Variants in ATG9B observed in about 807,000 individuals in gnomAD.
ATG9B encodes autophagy-related protein 9B.
A neutral mutation model predicts 92.9 loss-of-function variants in ATG9B; 92 were observed. The ratio of observed to expected loss-of-function variants is 0.99; its 90% confidence interval spans 0.84 to 1.18. The LOEUF is 1.18. ATG9B is among the 50% of genes most tolerant of loss of function. The pLI is 0.00. For missense variants in ATG9B, 1,344 were observed against 1,235.0 expected, an observed-to-expected ratio of 1.09 and a Z score of -1.32; for synonymous variants, 599 against 551.4, an observed-to-expected ratio of 1.09 and a Z score of -1.21.
Position 151,017,027 on chromosome 7 carries a change from G to A in ATG9B, c.2289+9C>T, listed in dbSNP as rs1012657292. On this transcript the variant is annotated intron_variant, in intron 9 of 13. Transcript: ENST00000639579. ...GAAGGCAGAAGGGGAGGCCAGGCTTGGGACTCACCAGGGGCGAGGTGCAGT... is the reference window on the plus strand; with the variant it reads ...GAAGGCAGAAGGGGAGGCCAGGCTTAGGACTCACCAGGGGCGAGGTGCAGT... The A allele has an allele frequency of 1.3e-6, 2 of 1,578,318 alleles. No individual in the cohort carries two copies.
chr7:151,023,386 G>T, intron 3 of ATG9B, 59 bp downstream of exon 3: 1 of 1,604,814 alleles, frequency 6.2e-7, no homozygotes, highest in South Asian at 1.1e-5. Context: ...GAAGCAAAAT[G>T]ACAGAAGGAA....
In ATG9B at chr7:151,017,277, G is replaced by A; in HGVS notation, c.2053-5C>T. The A allele has an allele frequency of 1.9e-6, 3 of 1,579,500 alleles. No homozygotes were observed. Among genetic ancestry groups the A allele is most frequent in the Non-Finnish European group, 2.6e-6 (3 of 1,159,446 alleles). ...AGTCTGTCCCGCCGAGAGCCACTGT[G>A]AGCAAGGACAGTCTTTCAGGTGCTA... On this transcript the variant is annotated splice_region_variant and splice_polypyrimidine_tract_variant and intron_variant, in intron 8 of 13. Coordinates refer to ENST00000639579, the MANE Select transcript of ATG9B (RefSeq NM_001317056.2).
chr7:151,023,952 C>A lies in ATG9B; in HGVS notation c.472G>T (p.Asp158Tyr). The change falls in exon 1 of 14, where the codon GAC becomes TAC. Residue 158 changes from aspartate to tyrosine, a missense_variant. Asp to Tyr is a radical substitution (Grantham distance 160). Coordinates refer to ENST00000639579, the MANE Select transcript of ATG9B (RefSeq NM_001317056.2). Reference protein sequence around the residue: ...EQDYERLEDCDPEGSQDSPIH... With the variant: ...EQDYERLEDCYPEGSQDSPIH... ...GGTGAGTCTTGGGACCCCTCAGGGTCACAGTCCTCCAGCCGCTCATAATCC... is the reference window on the plus strand; with the variant it reads ...GGTGAGTCTTGGGACCCCTCAGGGTAACAGTCCTCCAGCCGCTCATAATCC... 6.3e-7 allele frequency: 1 copy of A among 1,588,942 alleles called. No homozygotes were observed. The highest frequency in any genetic ancestry group is 8.6e-7 in the Non-Finnish European group (1 of 1,168,000).
chr7:151,013,085 A>C, downstream of ATG9B: 1 of 855,886 alleles, frequency 1.2e-6, no homozygotes, highest in Non-Finnish European at 1.8e-6. Flanking sequence ...AGCATTCTAC[A>C]CTCTCTTAGA....
In ATG9B at chr7:151,018,724, G is replaced by A. The variant is rs758496995; in HGVS notation, c.1614C>T (p.Leu538=). ...ARQLVFFAGA[L]FAALLVLTVY... ...CGGTGAGCACAAGCAGCGCGGCGAAGAGTGCACCCGCGAAGAAAACGAGCT... is the reference window on the plus strand; with the variant it reads ...CGGTGAGCACAAGCAGCGCGGCGAAAAGTGCACCCGCGAAGAAAACGAGCT... Residue 538 remains leucine (L), a synonymous_variant, in exon 6 of 14, where the codon CTC becomes CTT. Transcript: ENST00000639579. The surrounding 1 kb of genome is among the most constrained non-coding windows in gnomAD (Gnocchi z 4.7). The A allele has an allele frequency of 6.3e-7, 1 of 1,592,702 alleles. No individual in the cohort carries two copies. Among genetic ancestry groups the A allele is most frequent in the Non-Finnish European group, 8.5e-7 (1 of 1,172,732 alleles).
At chr7:151,021,413 C>T in intron 4 of ATG9B, 84 bp from the exon 5 acceptor site, 7 of 1,469,736 alleles carry the variant, frequency 4.8e-6, no homozygotes, top group Non-Finnish European at 5.4e-6. Context: ...GAGGAAAAAC[C>T]ATCATGAGGA....
At chr7:151,019,441 A>G in intron 5 of ATG9B, 67 bp from the exon 6 acceptor site, 2 of 1,478,330 alleles carry the variant, frequency 1.4e-6, no homozygotes, top group South Asian at 2.8e-5. Flanking sequence ...CAAGCTCCAC[A>G]CCCCTAAGTG....
chr7:151,012,777 G>A (rs1795334760), downstream of ATG9B: 10 of 355,098 alleles, frequency 2.8e-5, no homozygotes, highest in South Asian at 3.8e-4. Context: ...TCTTGACTGT[G>A]CCAGAGCTGA....
intron 5 of ATG9B, chr7:151,019,998 AAAAC>A (rs1795687866): frequency 6.6e-6 from 1 of 152,246 alleles, no homozygotes; most frequent in Non-Finnish European, 1.5e-5. Flanking sequence ...CAAAAGAAAC[AAAAC>A]AAACAAAAAA....
chr7:151,014,304 C>A, downstream of ATG9B: 1 of 944,228 alleles, frequency 1.1e-6, no homozygotes, highest in Non-Finnish European at 1.5e-6. Context: ...AAGGATTCAG[C>A]ATTATTCCTC....
chr7:151,014,900 C>T (rs1795418712), downstream of ATG9B: 2 of 152,222 alleles, frequency 1.3e-5, no homozygotes, highest in Admixed American at 6.5e-5. Context: ...AGCTACTGCA[C>T]CCGGCGTGGA....
At chr7:151,016,935 C>T (rs903410953) in intron 9 of ATG9B, 101 bp downstream of exon 9, 14 of 1,499,968 alleles carry the variant, frequency 9.3e-6, no homozygotes, top group Middle Eastern at 2.1e-4. Flanking sequence ...GGGGCGGGGG[C>T]TGGTGAGGCA....
intron 4 of ATG9B, 121 bp from the exon 5 acceptor site, chr7:151,021,450 T>G: frequency 1.5e-6 from 2 of 1,375,264 alleles, no homozygotes; most frequent in Non-Finnish European, 1.9e-6. Context: ...CCAGCAGCTC[T>G]CAAGGTAGAG....
chr7:151,013,335 G>A (rs1343789320), downstream of ATG9B: 2 of 1,613,824 alleles, frequency 1.2e-6, no homozygotes, highest in African/African-American at 1.3e-5. Flanking sequence ...CGGGGTGTTT[G>A]GCCGAGTCCT....
Position 151,016,821 on chromosome 7 carries a change from G to T in ATG9B, c.2290C>A (p.Pro764Thr). 1 of 1,604,874 alleles carries T rather than the reference G, an allele frequency of 6.2e-7. No homozygotes were observed. The highest frequency in any genetic ancestry group is 1.7e-5 in the Admixed American group (1 of 58,642). The stretch of plus-strand genomic sequence containing the variant: ...AAGAGGTTGGCCAGGAAGGCCTCAG[G>T]CTGGGTGCAAGAGGAGAGGGAAAGC... The part of the protein sequence containing the change: ...GVLSNCTSPL[P>T]EAFLANLFVH... Residue 764 changes from proline to threonine, a missense_variant and splice_region_variant, in exon 10 of 14, where the codon CCT becomes ACT. By Grantham distance (38) the Pro-to-Thr change is conservative. Coordinates refer to ENST00000639579, the MANE Select transcript of ATG9B (RefSeq NM_001317056.2).
At chr7:151,017,332 G>C in intron 8 of ATG9B, 60 bp from the exon 9 acceptor site, 2 of 1,468,308 alleles carry the variant, frequency 1.4e-6, no homozygotes, top group Non-Finnish European at 1.8e-6. Flanking sequence ...GAACAGGTGG[G>C]ACAGGAAACA....
Position 151,018,880 on chromosome 7 carries a change from G to A in ATG9B, c.1458C>T (p.Arg486=). 1 of 1,382,206 alleles carries A rather than the reference G, an allele frequency of 7.2e-7. No individual in the cohort carries two copies. 85.6% of individuals were successfully genotyped at this position (1,382,206 alleles called of 1,614,324 possible). A position where few individuals can be genotyped will look rare whatever the true frequency, so the allele number is the denominator to read the frequency against. Residue 486 remains arginine (R), a synonymous_variant, in exon 6 of 14, where the codon CGC becomes CGT. Coordinates refer to ENST00000639579, the MANE Select transcript of ATG9B (RefSeq NM_001317056.2). The surrounding 1 kb of genome is among the most constrained non-coding windows in gnomAD (Gnocchi z 4.7). ...GCTCGTTGAAGTGGCGCAGCTGCAA[G>A]CGCGCCAGGCGGGACCAGCCGCGCG... ...LGARGWSRLA[R]LQLRHFNELP... is the part of the protein sequence containing the mutation.
At chr7:151,021,397 G>A (rs1051654284) in intron 4 of ATG9B, 68 bp from the exon 5 acceptor site, 12 of 1,491,926 alleles carry the variant, frequency 8.0e-6, no homozygotes, top group Middle Eastern at 2.4e-4. Flanking sequence ...ACCAGACTTC[G>A]GGAGTGAGGA....
chr7:151,012,261 T>A, downstream of ATG9B: 9 of 790,944 alleles, frequency 1.1e-5, no homozygotes, highest in East Asian at 4.2e-5. Context: ...TGGGAAGAAC[T>A]TGGGTCCTCC....
Sources: allele counts gnomAD v4.1 joint callset, GRCh38; gene constraint gnomAD v4.1.1; non-coding constraint Gnocchi (gnomAD v3.1); transcripts MANE v1.5; gene names NCBI Gene and HGNC (gene_info 2026-07-23, HGNC 2026-07-21).